The following NCOA7 variants were observed in gnomAD, a reference collection of about 807,000 sequenced individuals.
NCOA7 encodes the protein nuclear receptor coactivator 7.
Under a neutral mutation model 104.3 loss-of-function variants are expected in NCOA7, and 45 were observed. The ratio of observed to expected loss-of-function variants is 0.43; its 90% CI spans 0.34 to 0.55. The LOEUF (loss-of-function observed/expected upper bound fraction) is 0.55, where lower values mean the gene tolerates loss of function less well. Ranked by LOEUF, NCOA7 falls within the 20% of genes least tolerant of loss-of-function variation. The pLI is 0.02. For synonymous variants in NCOA7, 398 were observed against 402.3 expected, an observed-to-expected ratio of 0.99 and a Z score of 0.13; for missense variants, 1,041 against 1,119.7, an observed-to-expected ratio of 0.93 and a Z score of 1.00.
At chr6:125,843,900 G>C (rs1019924934) in intron 2 of NCOA7, among the ~76,000 whole-genome samples, 2 of 152,224 alleles carry the variant, frequency 1.3e-5, no homozygotes, top group Non-Finnish European at 2.9e-5. Context: ...ATAATACAAT[G>C]TAGACATTCT....
At chr6:125,919,485 T>A (rs142243836) in intron 11 of NCOA7, 1 of 1,535,704 alleles carries the variant, frequency 6.5e-7, no homozygotes, top group African/African-American at 1.4e-5. Flanking sequence ...TTCTCAGTGA[T>A]GTACCTCCGA....
Position 125,928,944 on chromosome 6 carries a change from T to A in NCOA7, c.*173T>A. Reference sequence around the variant, plus strand: ...GCAGAAAGATTCTGGAAGGTCCATGTAGAGGGCAGACATTGAAGAAAGAAA... The same window carrying A: ...GCAGAAAGATTCTGGAAGGTCCATGAAGAGGGCAGACATTGAAGAAAGAAA... On this transcript the variant is annotated 3_prime_UTR_variant, in exon 16 of 16. Coordinates refer to ENST00000392477, the MANE Select transcript of NCOA7 (RefSeq NM_181782.5). The A allele has an allele frequency of 1.6e-6, 1 of 632,836 alleles. No homozygotes were observed. The highest frequency in any genetic ancestry group is 2.5e-6 in the Non-Finnish European group (1 of 399,258). The allele number at this position is 632,836 out of a possible 1,614,324, so 39.2% of individuals were successfully genotyped here. A position where few individuals can be genotyped will look rare whatever the true frequency, so the allele number is the denominator to read the frequency against.
intron 3 of NCOA7, chr6:125,855,671 A>C (rs1299434978): frequency 6.5e-6 from 1 of 153,300 alleles, no homozygotes; most frequent in Non-Finnish European, 1.4e-5. Context: ...ACAAAAACAA[A>C]CAAAAAAAAA....
At chr6:125,927,787 CCATATGTCA>C (rs1788163160) in intron 14 of NCOA7, 29 bp downstream of exon 14, 3 of 1,529,290 alleles carry the variant, frequency 2.0e-6, no homozygotes, top group Non-Finnish European at 2.7e-6. Flanking sequence ...TATCCAACTC[CCATATGTCA>C]CAGTGTCCTC....
At chr6:125,860,055 C>T (rs1248516528) in intron 3 of NCOA7, among the ~76,000 whole-genome samples, 1 of 152,178 alleles carries the variant, frequency 6.6e-6, no homozygotes, top group Non-Finnish European at 1.5e-5. Context: ...CCTAGCGCAG[C>T]ACCTGGCACA....
At chr6:125,787,307 A>T (rs1211960395), upstream of NCOA7, among the ~76,000 whole-genome samples, 1 of 152,194 alleles carries the variant, frequency 6.6e-6, no homozygotes, top group African/African-American at 2.4e-5. Flanking sequence ...CTTCATTACA[A>T]GAATTGTCTT....
Position 125,920,977 on chromosome 6 carries a change from G to A in NCOA7, c.2279G>A (p.Ser760Asn), listed in dbSNP as rs1418215135. 3.1e-6 allele frequency: 5 copies of A among 1,613,690 alleles called. No homozygotes were observed. Among genetic ancestry groups the A allele is most frequent in the South Asian group, 2.2e-5 (2 of 91,086 alleles). ...GTTGAAGAGGCAAAGCGCAGGAAGA[G>A]CACATGCAGCTACTATGAAGACGAG... Reference protein sequence around the residue: ...ITVEEAKRRKSTCSYYEDEDE... With the variant: ...ITVEEAKRRKNTCSYYEDEDE... Residue 760 changes from serine to asparagine, a missense_variant, in exon 12 of 16, where the codon AGC (serine) becomes AAC (asparagine). Transcript: ENST00000392477.
chr6:125,820,802 A>G (rs946827845), intron 2 of NCOA7, among the ~76,000 whole-genome samples: 4 of 152,308 alleles, frequency 2.6e-5, no homozygotes, highest in Middle Eastern at 3.4e-3. Context: ...CGACAATCCA[A>G]ATTGGAACCA....
intron 2 of NCOA7, chr6:125,818,930 A>G (rs1278883469): frequency 6.6e-6 from 1 of 152,270 alleles, no homozygotes; most frequent in Admixed American, 6.5e-5. Flanking sequence ...GGCCAAACTG[A>G]TGCAATCTCA....
chr6:125,861,209 T>C (rs1782021441), intron 3 of NCOA7, among the ~76,000 whole-genome samples: 1 of 152,230 alleles, frequency 6.6e-6, no homozygotes, highest in South Asian at 2.1e-4. Flanking sequence ...TTTTTGACAA[T>C]GTGGAAGTAA....
At chr6:125,928,599 G>T in intron 15 of NCOA7, 37 bp from the exon 16 acceptor site, 1 of 1,571,930 alleles carries the variant, frequency 6.4e-7, no homozygotes. Flanking sequence ...TAACATAGAA[G>T]TGTTTTTACC....
At chr6:125,831,541 G>A (rs997810779) in intron 2 of NCOA7, among the ~76,000 whole-genome samples, 2 of 151,460 alleles carry the variant, frequency 1.3e-5, no homozygotes, top group African/African-American at 4.9e-5. Flanking sequence ...GAGATTACTG[G>A]TAATGGTACT....
intron 1 of NCOA7, 43 bp from the exon 2 acceptor site, chr6:125,815,248 T>A (rs994762099): frequency 6.0e-5 from 45 of 746,164 alleles, no homozygotes; most frequent in Non-Finnish European, 8.0e-5. Context: ...TTGGCCAGTG[T>A]AAACTTTTAA....
At chr6:125,814,021 G>A (rs1470444060) in intron 1 of NCOA7, among the ~76,000 whole-genome samples, 5 of 152,096 alleles carry the variant, frequency 3.3e-5, no homozygotes, top group African/African-American at 1.2e-4. Flanking sequence ...CAAATATCAT[G>A]TCTTTATCTT....
chr6:125,876,260 T>C (rs552165233), intron 4 of NCOA7, among the ~76,000 whole-genome samples: 2 of 152,338 alleles, frequency 1.3e-5, no homozygotes, highest in African/African-American at 4.8e-5. Flanking sequence ...TGTCACAGGC[T>C]TTCATGATCA....
chr6:125,818,619 C>A (rs1450531603), intron 2 of NCOA7, among the ~76,000 whole-genome samples: 1 of 152,070 alleles, frequency 6.6e-6, no homozygotes, highest in Non-Finnish European at 1.5e-5. Flanking sequence ...GACTGACAAA[C>A]CTGTAGTTTA....
At chr6:125,784,006 A>C (rs1774347822) in intron 1 of NCOA7, among the ~76,000 whole-genome samples, 1 of 152,206 alleles carries the variant, frequency 6.6e-6, no homozygotes, top group Admixed American at 6.5e-5. Context: ...AGTACAGCCA[A>C]AAATAACCTT....
chr6:125,878,571 A>G (rs1156547801), intron 5 of NCOA7, among the ~76,000 whole-genome samples: 4 of 151,956 alleles, frequency 2.6e-5, no homozygotes, highest in African/African-American at 9.7e-5. Flanking sequence ...GTGCAGTGAC[A>G]CCATCATGGC....
chr6:125,789,674 C>T (rs72969741), upstream of NCOA7, among the ~76,000 whole-genome samples: 6,937 of 152,290 alleles, frequency 0.046, 223 homozygotes, highest in Non-Finnish European at 0.071. Context: ...TAGTGCAAAA[C>T]TGGGCAATTA....
Sources: gnomAD v4.1 joint callset for allele counts (sites outside exome capture counted in the v4.1 genomes callset) on GRCh38, gnomAD v4.1.1 for gene constraint, MANE v1.5 for transcripts, NCBI Gene and HGNC (gene_info 2026-07-23, HGNC 2026-07-21) for gene names.